CAPN12: variants seen among roughly 807,000 people sequenced by gnomAD.
The protein encoded by CAPN12 is calpain 12.
A neutral mutation model predicts 95.0 loss-of-function variants in CAPN12; 107 were observed. The ratio of observed to expected loss-of-function variants is 1.13; its 90% CI spans 0.96 to 1.32. CAPN12 has a LOEUF of 1.32. Among genes scored for constraint, CAPN12 ranks in the 40% most tolerant of loss-of-function variants. The pLI is 0.00. For missense variants in CAPN12, 1,136 were observed against 997.8 expected (o/e 1.14, Z -1.87); for synonymous variants, 505 against 415.5 (o/e 1.22, Z -2.62).
intron 4 of CAPN12, among the ~76,000 whole-genome samples, chr19:38,741,082 T>C (rs376598574): frequency 7.2e-5 from 11 of 152,136 alleles, no homozygotes; most frequent in African/African-American, 1.7e-4. Context: ...TGACCCCCAA[T>C]ATTTTGGGGG....
At chr19:38,739,914 TG>T in intron 5 of CAPN12, 136 bp downstream of exon 5, 1 of 875,460 alleles carries the variant, frequency 1.1e-6, no homozygotes, top group Non-Finnish European at 1.6e-6. Flanking sequence ...AATTTATTTT[TG>T]ACTAGTTAGA....
At chr19:38,739,942 A>C in intron 5 of CAPN12, 109 bp downstream of exon 5, 2 of 1,176,018 alleles carry the variant, frequency 1.7e-6, no homozygotes, top group Non-Finnish European at 2.3e-6. Flanking sequence ...AGCGAGCCTA[A>C]GCCAGTAACG....
chr19:38,737,211 C>T lies in CAPN12; in HGVS notation c.1307G>A (p.Arg436Gln), dbSNP rs1277109371. 3 of 1,550,476 alleles carry T rather than the reference C, an allele frequency of 1.9e-6. No individual in the cohort carries two copies. The highest frequency in any genetic ancestry group is 2.0e-5 in the Admixed American group (1 of 51,176). Reference protein sequence around the residue: ...VLLSLIQRNRRRLRAKGLTYL... With the variant: ...VLLSLIQRNRQRLRAKGLTYL... ...AGTGAGGCCCTTGGCTCTCAGGCGC[C>T]GCCGGTTGCGCTGGATGAGGGACAG... The change falls in exon 10 of 21, where the codon CGG (arginine) becomes CAG (glutamine). Residue 436 changes from arginine to glutamine, a missense_variant. Arg to Gln is a conservative substitution (Grantham distance 43). Coordinates refer to ENST00000328867, the MANE Select transcript of CAPN12 (RefSeq NM_144691.4).
At chr19:38,736,082 G>A (rs1287934632) in intron 12 of CAPN12, 28 bp downstream of exon 12, 1 of 1,462,682 alleles carries the variant, frequency 6.8e-7, no homozygotes, top group Admixed American at 2.3e-5. Flanking sequence ...GGCAGGGATG[G>A]GGTCGGATTT....
chr19:38,734,102 T>C (rs1312530858), intron 17 of CAPN12, 40 bp downstream of exon 17: 1 of 1,607,836 alleles, frequency 6.2e-7, no homozygotes, highest in African/African-American at 1.3e-5. Flanking sequence ...TTAGTAAAGG[T>C]TTCTCTCTTT....
rs1435196024 is a variant in CAPN12 at position 38,734,370 on chromosome 19, G to A, written c.1764C>T (p.Thr588=). The A allele has an allele frequency of 1.2e-6, 2 of 1,604,656 alleles. No individual in the cohort carries two copies. Among genetic ancestry groups the A allele is most frequent in the Non-Finnish European group, 1.7e-6 (2 of 1,175,124 alleles). The change falls in exon 16 of 21, where the codon ACC becomes ACT. Residue 588 remains threonine, a synonymous_variant. Coordinates refer to ENST00000328867, the MANE Select transcript of CAPN12 (RefSeq NM_144691.4). ...AGGTCCTGAGCCCGATCTCTCTGGGGGTGGAGGTATGGGCCCTGGCTACAG... is the reference window on the plus strand; with the variant it reads ...AGGTCCTGAGCCCGATCTCTCTGGGAGTGGAGGTATGGGCCCTGGCTACAG... ...ALEPARAHTS[T]PREIGLRTCE... is the part of the protein sequence containing the mutation.
At chr19:38,736,001 GC>G in intron 12 of CAPN12, 108 bp downstream of exon 12, 1 of 489,440 alleles carries the variant, frequency 2.0e-6, no homozygotes. Context: ...TGGGGGCGGG[GC>G]AGGTCAGGTC....
intron 10 of CAPN12, chr19:38,736,821 G>A (rs1428814774): frequency 5.2e-6 from 3 of 578,404 alleles, no homozygotes; most frequent in South Asian, 2.1e-5. Context: ...GCCTCTCTCT[G>A]TCCCTAACCT....
chr19:38,734,168 G>A lies in CAPN12; in HGVS notation c.1852C>T (p.Leu618Phe), dbSNP rs1446797484. 1 of 1,613,060 alleles carries A rather than the reference G, an allele frequency of 6.2e-7. No homozygotes were observed. The highest frequency in any genetic ancestry group is 1.1e-5 in the South Asian group (1 of 91,086). Residue 618 changes from leucine (L) to phenylalanine (F), a missense_variant, in exon 17 of 21, where the codon CTC (leucine) becomes TTC (phenylalanine). Coordinates refer to ENST00000328867, the MANE Select transcript of CAPN12 (RefSeq NM_144691.4). ...QSLALHHFQQ[L>F]WGYLLEWQAI... ...TGCCACTCCAGGAGGTAGCCCCAGA[G>A]CTGCTGGAAGTGGTGTAAGGCCAGG...
At chr19:38,731,084 C>T (rs1377951298) in intron 19 of CAPN12, 23 bp downstream of exon 19, 2 of 1,098,162 alleles carry the variant, frequency 1.8e-6, no homozygotes, top group Non-Finnish European at 2.6e-6. Flanking sequence ...CCCCATGCCC[C>T]ACCATGCCGG....
At chr19:38,730,918 C>A in intron 20 of CAPN12, 40 bp from the exon 21 acceptor site, 3 of 1,550,574 alleles carry the variant, frequency 1.9e-6, no homozygotes, top group Non-Finnish European at 2.6e-6. Flanking sequence ...AGGCAGGGAG[C>A]TCGCAGGACA....
In CAPN12 at chr19:38,735,423, A is replaced by G; in HGVS notation, c.1633T>C (p.Tyr545His). Residue 545 changes from tyrosine to histidine, a missense_variant, in exon 14 of 21, where the codon TAC (tyrosine) becomes CAC (histidine). By Grantham distance (83) the Tyr-to-His change is moderately conservative. Coordinates refer to ENST00000328867, the MANE Select transcript of CAPN12 (RefSeq NM_144691.4). The stretch of plus-strand genomic sequence containing the variant: ...TCCAACCCCAGCTCCAGGGGCAGGT[A>G]GGGGCCCTGCCGCATGGCGGAAGTT... ...SADLQSLQGP[Y>H]LPLELGLEQL... The G allele has an allele frequency of 6.2e-7, 1 of 1,610,460 alleles. No homozygotes were observed. The highest frequency in any genetic ancestry group is 8.5e-7 in the Non-Finnish European group (1 of 1,178,756).
chr19:38,736,389 C>A, intron 11 of CAPN12, 71 bp from the exon 12 acceptor site: 1 of 1,486,602 alleles, frequency 6.7e-7, no homozygotes, highest in Non-Finnish European at 9.0e-7. Flanking sequence ...CTCCAGCGCG[C>A]CCCGTCCACC....
chr19:38,731,025 T>TGTGCAGAGAG lies in CAPN12; in HGVS notation c.2075-12_2075-3dup. On this transcript the variant is annotated splice_polypyrimidine_tract_variant and splice_region_variant and intron_variant, in intron 19 of 20. Transcript: ENST00000328867. ...CATCCAGGTGCTGGCTGCAGTGGCC[T>TGTGCAGAGAG]GTGCAGAGAGGGGCAGGGTGAGTGC... 21 of 1,554,952 alleles carry TGTGCAGAGAG rather than the reference T, an allele frequency of 1.4e-5. No homozygotes were observed. Among genetic ancestry groups the TGTGCAGAGAG allele is most frequent in the Non-Finnish European group, 1.8e-5 (21 of 1,149,598 alleles).
rs901803660 is a variant in CAPN12 at position 38,738,912 on chromosome 19, A to G, written c.730-264T>C. On this transcript the variant is annotated intron_variant, in intron 5 of 20. Transcript: ENST00000328867. ...TTAGGGAGGTCGAGGTGGAAGGACTACTTGAGGCCAGGAGTCCAAGACCAG... is the reference window on the plus strand; with the variant it reads ...TTAGGGAGGTCGAGGTGGAAGGACTGCTTGAGGCCAGGAGTCCAAGACCAG... The G allele has an allele frequency of 7.7e-6, 4 of 522,086 alleles. No homozygotes were observed. The Admixed American group carries it at 1.4e-4, about 18-fold the overall frequency. 32.3% of individuals were successfully genotyped at this position (522,086 alleles called of 1,614,324 possible).
chr19:38,742,039 T>A, intron 3 of CAPN12, 129 bp from the exon 4 acceptor site: 1 of 1,376,320 alleles, frequency 7.3e-7, no homozygotes, highest in Non-Finnish European at 9.8e-7. Context: ...GAAATCCATA[T>A]GGCTGGCCGG....
chr19:38,733,934 T>A, intron 17 of CAPN12, 153 bp from the exon 18 acceptor site: 2 of 796,948 alleles, frequency 2.5e-6, no homozygotes, highest in Non-Finnish European at 4.0e-6. Context: ...GACTTCTGTT[T>A]CCCAATCTGT....
chr19:38,735,314 G>A, intron 14 of CAPN12, 56 bp downstream of exon 14: 10 of 1,494,348 alleles, frequency 6.7e-6, no homozygotes, highest in South Asian at 2.7e-5. Context: ...GGGGAAGGGG[G>A]GTCCCCAAGG....
chr19:38,735,475 T>TGCCGCCCCTC, intron 13 of CAPN12, 27 bp downstream of exon 13: 2 of 1,610,676 alleles, frequency 1.2e-6, no homozygotes, highest in Non-Finnish European at 1.7e-6. Context: ...CCCCGCCCCA[T>TGCCGCCCCTC]GCCGCCCCTC....
Sources: gnomAD v4.1 joint callset for allele counts (sites outside exome capture counted in the v4.1 genomes callset) on GRCh38, gnomAD v4.1.1 for gene constraint, MANE v1.5 for transcripts, NCBI Gene and HGNC (gene_info 2026-07-23, HGNC 2026-07-21) for gene names.